Variants in ZDHHC7 observed in about 807,000 individuals in gnomAD.
ZDHHC7 encodes the protein zDHHC palmitoyltransferase 7.
A neutral mutation model predicts 34.1 loss-of-function variants in ZDHHC7; 12 were observed. That is an observed-to-expected ratio of 0.35 (90% CI 0.23 to 0.57). The LOEUF (loss-of-function observed/expected upper bound fraction) is 0.57. ZDHHC7 is among the 20% of genes least tolerant of loss of function. ZDHHC7 has a pLI of 0.84. For synonymous variants in ZDHHC7, 185 were observed against 155.4 expected, an observed-to-expected ratio of 1.19 and a Z score of -1.42; for missense variants, 388 against 402.7, an observed-to-expected ratio of 0.96 and a Z score of 0.31.
At chr16:84,991,197 C>T (rs72803504) in intron 2 of ZDHHC7, among the ~76,000 whole-genome samples, 5,018 of 152,308 alleles carry the variant, frequency 0.033, 103 homozygotes, top group Middle Eastern at 0.044. Flanking sequence ...AGTTTATCCT[C>T]GCTTATCTGT....
chr16:85,025,885 T>C, the ZDHHC7 span, among the ~76,000 whole-genome samples: 4 of 152,254 alleles, frequency 2.6e-5, no homozygotes, highest in Non-Finnish European at 4.4e-5. Context: ...TTTGTCACTG[T>C]TGTTTCATCT....
the ZDHHC7 span, among the ~76,000 whole-genome samples, chr16:85,027,529 T>G: frequency 6.6e-6 from 1 of 152,058 alleles, no homozygotes; most frequent in African/African-American, 2.4e-5. Context: ...CACCCACTCC[T>G]CCCAGAGTCC....
At position 84,998,382 on chromosome 16, in the gene ZDHHC7, G is replaced by A. The variant is rs1167169335; in HGVS notation, c.-103-2375C>T. Among the ~76,000 whole-genome samples, 3 of 152,116 alleles carry A rather than the reference G, an allele frequency of 2.0e-5. No homozygotes were observed. In the South Asian group the frequency reaches 6.2e-4, roughly 32 times the overall value. On this transcript the variant is annotated intron_variant, in intron 1 of 7. Transcript: ENST00000313732. ...GCAGATCTCCTTGTGGTAGGTTTCGGCTCTGGCTTCGGCGCCGGCTGCCTG... is the reference window on the plus strand; with the variant it reads ...GCAGATCTCCTTGTGGTAGGTTTCGACTCTGGCTTCGGCGCCGGCTGCCTG...
At chr16:84,987,572 T>C (rs1266896317) in intron 3 of ZDHHC7, among the ~76,000 whole-genome samples, 1 of 151,932 alleles carries the variant, frequency 6.6e-6, no homozygotes, top group Non-Finnish European at 1.5e-5. Context: ...AGAGTCACCA[T>C]ATGTCCCAGC....
At chr16:85,015,448 T>G (rs1257578046), upstream of ZDHHC7, among the ~76,000 whole-genome samples, 2 of 152,116 alleles carry the variant, frequency 1.3e-5, no homozygotes, top group African/African-American at 4.8e-5. Flanking sequence ...CTTAGTAAAT[T>G]ATCTCCTGGA....
intron 1 of ZDHHC7, among the ~76,000 whole-genome samples, chr16:85,000,765 G>A (rs2072642415): frequency 6.6e-6 from 1 of 152,334 alleles, no homozygotes; most frequent in African/African-American, 2.4e-5. Flanking sequence ...CACGTACTCT[G>A]TGCAAGGCCT....
At chr16:84,991,698 T>C (rs1372365733) in intron 2 of ZDHHC7, among the ~76,000 whole-genome samples, 1 of 151,464 alleles carries the variant, frequency 6.6e-6, no homozygotes, top group Admixed American at 6.6e-5. Flanking sequence ...AGATGAGGTC[T>C]GACTATGTTG....
chr16:85,004,584 G>A (rs1362486455), intron 1 of ZDHHC7, among the ~76,000 whole-genome samples: 1 of 136,598 alleles, frequency 7.3e-6, no homozygotes, highest in Non-Finnish European at 1.5e-5. Context: ...CACTCCATCT[G>A]GAGCCTGCTG....
intron 4 of ZDHHC7, 114 bp from the exon 5 acceptor site, chr16:84,979,399 G>A (rs1442256614): frequency 1.1e-5 from 15 of 1,373,280 alleles, no homozygotes; most frequent in Non-Finnish European, 1.5e-5. Context: ...AATACAACAT[G>A]TCAAAAAATA....
the ZDHHC7 span, among the ~76,000 whole-genome samples, chr16:85,021,180 G>C: frequency 6.6e-6 from 1 of 152,018 alleles, no homozygotes; most frequent in African/African-American, 2.4e-5. Context: ...TTGGGAGGCC[G>C]AGGTGGGCGG....
the ZDHHC7 span, among the ~76,000 whole-genome samples, chr16:85,018,481 CTT>C: frequency 0.4 from 60,521 of 150,518 alleles, 12,730 homozygotes; most frequent in Admixed American, 0.49. Flanking sequence ...GAGTTTTACT[CTT>C]GTTGCCCAGG....
At chr16:85,011,107 TG>T (rs1227306930) in intron 1 of ZDHHC7, among the ~76,000 whole-genome samples, 178 bp downstream of exon 1, 1 of 152,164 alleles carries the variant, frequency 6.6e-6, no homozygotes, top group African/African-American at 2.4e-5. Context: ...AGGGGGCACC[TG>T]GAAGGGAAGT....
chr16:85,009,178 TC>T (rs1407793159), intron 1 of ZDHHC7, among the ~76,000 whole-genome samples: 2 of 152,096 alleles, frequency 1.3e-5, no homozygotes, highest in East Asian at 3.8e-4. Flanking sequence ...ACATTAACTT[TC>T]TACATGAACT....
intron 1 of ZDHHC7, among the ~76,000 whole-genome samples, chr16:85,004,616 T>G (rs1337574416): frequency 7.1e-6 from 1 of 140,236 alleles, no homozygotes; most frequent in East Asian, 2.2e-4. Context: ...TAGCAGCCTC[T>G]CCCTGGCTGC....
chr16:84,991,962 G>A (rs1438957128), intron 2 of ZDHHC7, among the ~76,000 whole-genome samples: 1 of 152,004 alleles, frequency 6.6e-6, no homozygotes, highest in Non-Finnish European at 1.5e-5. Flanking sequence ...CACTTTGGGA[G>A]GTCAGGAGTT....
At chr16:85,025,658 T>C in the ZDHHC7 span, among the ~76,000 whole-genome samples, 19 of 152,328 alleles carry the variant, frequency 1.2e-4, no homozygotes, top group South Asian at 3.5e-3. Flanking sequence ...TCCGCCCGCC[T>C]CGACCTCCCA....
chr16:84,976,125 T>C lies in ZDHHC7; in HGVS notation c.*218A>G. The C allele has an allele frequency of 1.7e-6, 1 of 598,522 alleles. No homozygotes were observed. The highest frequency in any genetic ancestry group is 2.8e-6 in the Non-Finnish European group (1 of 356,644). The allele number at this position is 598,522 out of a possible 1,614,324, so 37.1% of individuals were successfully genotyped here. The stretch of plus-strand genomic sequence containing the variant: ...GAGGCCACGGCGTTTGGCTTCTTCG[T>C]GTGGCCACACACCTTTCCGTTGTTG... On this transcript the variant is annotated 3_prime_UTR_variant, in exon 8 of 8. Transcript: ENST00000313732.
rs926067340 is a variant in ZDHHC7, at chr16:84,975,124, C to G, written c.*1219G>C. On this transcript the variant is annotated 3_prime_UTR_variant, in exon 8 of 8. Transcript: ENST00000313732. ...TGGCTTTCTGGCATAATTTTAAGCT[C>G]CGCACCAAGGATCCTATTTTATCAC... 2 of 152,698 alleles carry G rather than the reference C, an allele frequency of 1.3e-5. No individual in the cohort carries two copies. The highest frequency in any genetic ancestry group is 2.9e-5 in the Non-Finnish European group (2 of 68,054). The allele number at this position is 152,698 out of a possible 1,614,324, so 9.5% of individuals were successfully genotyped here.
the ZDHHC7 span, among the ~76,000 whole-genome samples, chr16:85,022,084 C>T: frequency 2.0e-5 from 3 of 150,990 alleles, no homozygotes; most frequent in East Asian, 2.0e-4. Flanking sequence ...GGCGTGAACC[C>T]GGGAGGCGGA....
Sources: gnomAD v4.1 joint callset for allele counts (sites outside exome capture counted in the v4.1 genomes callset) on GRCh38, gnomAD v4.1.1 for gene constraint, MANE v1.5 for transcripts, NCBI Gene and HGNC (gene_info 2026-07-23, HGNC 2026-07-21) for gene names.